ATP5PO: variants seen among roughly 807,000 people sequenced by gnomAD.
ATP5PO encodes the protein ATP synthase peripheral stalk subunit OSCP, also known as ATP synthase peripheral stalk subunit OSCP, mitochondrial.
ATP5PO carries 14 observed loss-of-function variants against 26.2 expected under a neutral mutation model. The ratio of observed to expected loss-of-function variants is 0.53; its 90% confidence interval spans 0.35 to 0.83. The LOEUF is 0.83. Among genes scored for constraint, ATP5PO ranks in the 40% least tolerant of loss-of-function variants. The pLI, the probability that ATP5PO is intolerant of heterozygous loss-of-function variation, is 0.01. For synonymous variants in ATP5PO, 106 were observed against 95.1 expected (o/e 1.12, Z -0.67); for missense variants, 241 against 258.5 (o/e 0.93, Z 0.46).
rs776181096 is a variant in ATP5PO, at chr21:33,909,128, G to A, written c.282C>T (p.Asp94=). The change falls in exon 4 of 7, where the codon GAC becomes GAT. Residue 94 remains aspartate (D), a synonymous_variant. Coordinates refer to ENST00000290299, the MANE Select transcript of ATP5PO (RefSeq NM_001697.3). ...GAGAGAACCTCTCTTTTGCTGTGAT[G>A]TCATTTAGGCTTTTCACTTTAATGG... The part of the protein sequence containing the change: ...KRSIKVKSLN[D]ITAKERFSPL... 9 of 1,613,060 alleles carry A rather than the reference G, an allele frequency of 5.6e-6. No homozygotes were observed. The highest frequency in any genetic ancestry group is 5.5e-5 in the South Asian group (5 of 91,060).
intron 1 of ATP5PO, chr21:33,915,519 G>A: frequency 1.5e-6 from 1 of 673,714 alleles, no homozygotes; most frequent in South Asian, 2.2e-5. Context: ...CCAAGGTTAC[G>A]GCACGCGCAG....
chr21:33,914,498 C>T lies in ATP5PO; in HGVS notation c.39G>A (p.Val13=), dbSNP rs975629649. The T allele has an allele frequency of 1.2e-6, 2 of 1,612,614 alleles. No homozygotes were observed. Among genetic ancestry groups the T allele is most frequent in the East Asian group, 4.5e-5 (2 of 44,884 alleles). ...TGACCACAGAGGTACTGAAGCATCG[C>T]ACCTTCAAAGCAATAAAGGAAAATA... ...APAVSGLSRQ[V]RCFSTSVVRP... The change falls in exon 2 of 7, where the codon GTG becomes GTA. Residue 13 remains valine (V), a splice_region_variant and synonymous_variant. Coordinates refer to ENST00000290299, the MANE Select transcript of ATP5PO (RefSeq NM_001697.3).
In ATP5PO at chr21:33,903,970, G is replaced by A. The variant is rs201327860; in HGVS notation, c.493C>T (p.Leu165=). 1.2e-6 allele frequency: 2 copies of A among 1,613,474 alleles called. No individual in the cohort carries two copies. The highest frequency in any genetic ancestry group is 1.7e-6 in the Non-Finnish European group (2 of 1,179,768). The change falls in exon 6 of 7, where the codon CTA becomes TTA. Residue 165 remains leucine, a synonymous_variant. Transcript: ENST00000290299. ...AATTTCAATACTTGGCCTTGACTTA[G>A]GAAGCTCTTGAGGACAGTTTTTAAT... The part of the protein sequence containing the change: ...SELKTVLKSF[L]SQGQVLKLEA...
rs191960490 is a variant in ATP5PO, at chr21:33,903,632, G to A, written c.536C>T (p.Pro179Leu). 33 of 1,613,890 alleles carry A rather than the reference G, an allele frequency of 2.0e-5. No homozygotes were observed. Among genetic ancestry groups the A allele is most frequent in the East Asian group, 2.0e-4 (9 of 44,876 alleles). ...QVLKLEAKTD[P>L]SILGGMIVRI... ...CACAATCATTCCACCCAAGATTGAC[G>A]GATCAGTCTACAAAAGAAGTAAGAC... The change falls in exon 7 of 7, where the codon CCG (proline) becomes CTG (leucine). Residue 179 changes from proline to leucine, a missense_variant. Coordinates refer to ENST00000290299, the MANE Select transcript of ATP5PO (RefSeq NM_001697.3).
chr21:33,904,142 C>G, intron 5 of ATP5PO, 121 bp from the exon 6 acceptor site: 1 of 773,106 alleles, frequency 1.3e-6, no homozygotes, highest in Non-Finnish European at 2.0e-6. Flanking sequence ...GCTACCTGGG[C>G]CCATCATGGA....
chr21:33,913,423 TG>T (rs1987274099), intron 2 of ATP5PO, among the ~76,000 whole-genome samples: 1 of 152,246 alleles, frequency 6.6e-6, no homozygotes, highest in Non-Finnish European at 1.5e-5. Flanking sequence ...GAAAAGTTCC[TG>T]CTCCTTGACA....
At chr21:33,906,265 C>A (rs1428228622) in intron 5 of ATP5PO, among the ~76,000 whole-genome samples, 1 of 152,218 alleles carries the variant, frequency 6.6e-6, no homozygotes, top group Non-Finnish European at 1.5e-5. Context: ...AATTCCAAGT[C>A]AATCTACCAC....
At chr21:33,912,183 C>T in intron 3 of ATP5PO, 106 bp downstream of exon 3, 2 of 842,110 alleles carry the variant, frequency 2.4e-6, no homozygotes, top group African/African-American at 1.7e-5. Context: ...ATGGCTTTTT[C>T]CCAGTTTTTT....
intron 5 of ATP5PO, among the ~76,000 whole-genome samples, chr21:33,904,532 G>A (rs568060058): frequency 6.5e-4 from 99 of 152,306 alleles, no homozygotes; most frequent in African/African-American, 2.2e-3. Flanking sequence ...GCTACCTGGA[G>A]CTCTGGCAGG....
intron 5 of ATP5PO, among the ~76,000 whole-genome samples, chr21:33,906,069 C>T (rs1987168414): frequency 6.6e-6 from 1 of 152,150 alleles, no homozygotes; most frequent in African/African-American, 2.4e-5. Context: ...AGAGGGCTCC[C>T]TGCCTATGTC....
intron 3 of ATP5PO, among the ~76,000 whole-genome samples, chr21:33,910,851 G>A (rs149439601): frequency 2.1e-4 from 32 of 152,294 alleles, no homozygotes; most frequent in African/African-American, 7.2e-4. Context: ...CTGTTAAGAC[G>A]GAAGTTCCAA....
intron 3 of ATP5PO, among the ~76,000 whole-genome samples, chr21:33,911,686 T>TTTTTTTTTA (rs1987251102): frequency 3.6e-5 from 5 of 140,338 alleles, no homozygotes; most frequent in South Asian, 2.1e-4. Context: ...TTTTTTTTTT[T>TTTTTTTTTA]GAGACGGAGT....
At chr21:33,910,241 C>T (rs1459313243) in intron 3 of ATP5PO, among the ~76,000 whole-genome samples, 1 of 152,156 alleles carries the variant, frequency 6.6e-6, no homozygotes, top group African/African-American at 2.4e-5. Context: ...GGCTCCTGGC[C>T]AGAATCCTGC....
chr21:33,903,807 T>C, intron 6 of ATP5PO, 128 bp downstream of exon 6: 1 of 1,118,564 alleles, frequency 8.9e-7, no homozygotes, highest in East Asian at 2.6e-5. Context: ...AAATTTAAAA[T>C]AAATACAAAA....
chr21:33,915,736 A>G lies in ATP5PO; in HGVS notation c.28T>C (p.Ser10Pro). MAAPAVSGL[S>P]RQVRCFSTSV... ...GACCACCTTTCTCTCACCTGCCGGG[A>G]GAGCCCGGACACTGCTGGGGCAGCC... The change falls in exon 1 of 7, where the codon TCC (serine) becomes CCC (proline). Residue 10 changes from serine (S) to proline (P), a missense_variant. Physicochemically the swap from Ser to Pro is moderately conservative, Grantham distance 74. Around this residue, in one of 3 missense-constraint regions of ATP5PO, gnomAD observed 125 missense variants for 108.5 expected, o/e 1.15. Transcript: ENST00000290299. The G allele has an allele frequency of 6.3e-7, 1 of 1,576,404 alleles. No homozygotes were observed. Among genetic ancestry groups the G allele is most frequent in the Non-Finnish European group, 8.6e-7 (1 of 1,160,898 alleles).
intron 3 of ATP5PO, among the ~76,000 whole-genome samples, chr21:33,911,662 G>GTTTTTTTTTTTTTTTT (rs58774588): frequency 9.8e-5 from 9 of 92,080 alleles, no homozygotes; most frequent in East Asian, 3.5e-4. Context: ...ATAAGCATAG[G>GTTTTTTTTTTTTTTTT]TTTTTTTTTT....
Position 33,903,959 on chromosome 21 carries a change from G to A in ATP5PO, c.504C>T (p.Gly168=). The A allele has an allele frequency of 6.2e-7, 1 of 1,612,768 alleles. No individual in the cohort carries two copies. Among genetic ancestry groups the A allele is most frequent in the South Asian group, 1.1e-5 (1 of 90,762 alleles). The part of the protein sequence containing the change: ...KTVLKSFLSQ[G]QVLKLEAKTD... ...CCTTAGCCTCCAATTTCAATACTTG[G>A]CCTTGACTTAGGAAGCTCTTGAGGA... The change falls in exon 6 of 7, where the codon GGC becomes GGT. Residue 168 remains glycine (G), a synonymous_variant. Coordinates refer to ENST00000290299, the MANE Select transcript of ATP5PO (RefSeq NM_001697.3).
intron 3 of ATP5PO, among the ~76,000 whole-genome samples, chr21:33,910,545 G>C (rs1392892799): frequency 6.6e-6 from 1 of 152,124 alleles, no homozygotes; most frequent in Admixed American, 6.6e-5. Context: ...CCAGGCTTTA[G>C]ACAAACTCTA....
chr21:33,907,030 C>T, intron 5 of ATP5PO: 1 of 365,660 alleles, frequency 2.7e-6, no homozygotes, highest in Non-Finnish European at 5.2e-6. Context: ...GAAACTACTT[C>T]AAGTGGTATT....
Sources: allele counts gnomAD v4.1 joint callset (sites outside exome capture counted in the v4.1 genomes callset), GRCh38; gene constraint gnomAD v4.1.1; regional missense constraint gnomAD v4.1.1; transcripts MANE v1.5; gene names NCBI Gene and HGNC (gene_info 2026-07-23, HGNC 2026-07-21).